Variants in KMT5C observed in about 807,000 individuals in gnomAD.
KMT5C encodes the protein histone-lysine N-methyltransferase KMT5C.
KMT5C carries 16 observed loss-of-function variants against 38.2 expected under a neutral mutation model. The ratio of observed to expected loss-of-function variants is 0.42; its 90% CI spans 0.28 to 0.64. KMT5C has a LOEUF of 0.64. KMT5C is among the 30% of genes least tolerant of loss of function. The pLI, the probability that KMT5C is intolerant of heterozygous loss-of-function variation, is 0.23. For missense variants in KMT5C, 598 were observed against 665.1 expected, an observed-to-expected ratio of 0.90 and a Z score of 1.11; for synonymous variants, 291 against 279.0, an observed-to-expected ratio of 1.04 and a Z score of -0.43.
At position 55,342,800 on chromosome 19, in the gene KMT5C, C is replaced by T. The variant is rs754320228; in HGVS notation, c.335C>T (p.Thr112Met). The T allele has an allele frequency of 2.2e-5, 36 of 1,613,400 alleles. No homozygotes were observed. The highest frequency in any genetic ancestry group is 1.6e-4 in the Middle Eastern group (1 of 6,082). The change falls in exon 4 of 9, where the codon ACG (threonine) becomes ATG (methionine). Residue 112 changes from threonine (T) to methionine (M), a missense_variant. Coordinates refer to ENST00000255613, the MANE Select transcript of KMT5C (RefSeq NM_032701.4). Reference protein sequence around the residue: ...PESGFTILPCTRYSMETNGAK... With the variant: ...PESGFTILPCMRYSMETNGAK... ...AGTGGCTTTACCATCCTGCCCTGCA[C>T]GCGCTACTCCATGGAGACCAACGGG...
In KMT5C at chr19:55,346,409, G is replaced by A. The variant is rs45480394; in HGVS notation, c.707+60G>A. The A allele has an allele frequency of 4.1e-5, 66 of 1,609,330 alleles. 2 individuals carry two copies. The Middle Eastern group carries it at 1.0e-3, about 24-fold the overall frequency. ...GTCTGGGCTTCTTGAGCCCAGAAAC[G>A]CACCCTCGGGACCCATCCCTGAGTG... On this transcript the variant is annotated intron_variant, in intron 7 of 8. Transcript: ENST00000255613.
rs1026388492 is a variant in KMT5C at position 55,343,570 on chromosome 19, G to A, written c.387-110G>A. Reference sequence around the variant, plus strand: ...TGGATCGCCAATAGCCAGCACCAGCGCCCAGGAGTCCCTCCTTCCTGGGTG... The same window carrying A: ...TGGATCGCCAATAGCCAGCACCAGCACCCAGGAGTCCCTCCTTCCTGGGTG... On this transcript the variant is annotated intron_variant, in intron 4 of 8. Coordinates refer to ENST00000255613, the MANE Select transcript of KMT5C (RefSeq NM_032701.4). This position sits in a 1 kb window ranked among gnomAD's most constrained non-coding sequence, Gnocchi z 5.5. 42 of 1,043,254 alleles carry A rather than the reference G, an allele frequency of 4.0e-5. No homozygotes were observed. The African/African-American group carries it at 5.4e-4, about 13-fold the overall frequency. 64.6% of individuals were successfully genotyped at this position (1,043,254 alleles called of 1,614,324 possible).
Position 55,347,062 on chromosome 19 carries a change from G to T in KMT5C, c.1002G>T (p.Lys334Asn). Residue 334 changes from lysine to asparagine, a missense_variant, in exon 9 of 9, where the codon AAG becomes AAT. By Grantham distance (94) the Lys-to-Asn change is moderately conservative. Around this residue, in one of 3 missense-constraint regions of KMT5C, gnomAD observed 326 missense variants for 298.1 expected, o/e 1.09. Coordinates refer to ENST00000255613, the MANE Select transcript of KMT5C (RefSeq NM_032701.4). This position sits in a 1 kb window ranked among gnomAD's most constrained non-coding sequence, Gnocchi z 4.6. ...PQPQPRVRPRKRRRPRPRRAP... is the reference protein window; with the variant it reads ...PQPQPRVRPRNRRRPRPRRAP... ...CCCAGCCCCGAGTGCGGCCCCGGAA[G>T]CGCCGACGCCCCCGGCCCCGGAGGG... 6.3e-7 allele frequency: 1 copy of T among 1,579,728 alleles called. No individual in the cohort carries two copies. Among genetic ancestry groups the T allele is most frequent in the Non-Finnish European group, 8.6e-7 (1 of 1,167,876 alleles).
Position 55,342,951 on chromosome 19 carries a change from C to G in KMT5C, c.386+100C>G, listed in dbSNP as rs181907749. The G allele has an allele frequency of 5.2e-6, 4 of 766,430 alleles. No homozygotes were observed. In the Admixed American group the frequency reaches 8.0e-5, roughly 15 times the overall value. The allele number at this position is 766,430 out of a possible 1,614,324, so 47.5% of individuals were successfully genotyped here. A position where few individuals can be genotyped will look rare whatever the true frequency, so the allele number is the denominator to read the frequency against. On this transcript the variant is annotated intron_variant, in intron 4 of 8. Coordinates refer to ENST00000255613, the MANE Select transcript of KMT5C (RefSeq NM_032701.4). Reference sequence around the variant, plus strand: ...CATGGACTGGCCAACCGGGGAAAAGCGAGGGGCCTGGTCCTCCGGGCATCC... The same window carrying G: ...CATGGACTGGCCAACCGGGGAAAAGGGAGGGGCCTGGTCCTCCGGGCATCC...
At chr19:55,342,593 A>G in intron 3 of KMT5C, 149 bp from the exon 4 acceptor site, 1 of 643,746 alleles carries the variant, frequency 1.6e-6, no homozygotes, top group Non-Finnish European at 2.8e-6. Flanking sequence ...TCTTCATTTG[A>G]CGGATGAGGA....
At chr19:55,340,108 C>T (rs1225848807) in intron 1 of KMT5C, among the ~76,000 whole-genome samples, 151 bp downstream of exon 1, 1 of 151,648 alleles carries the variant, frequency 6.6e-6, no homozygotes, top group Non-Finnish European at 1.5e-5. Flanking sequence ...GGCCCCTCGC[C>T]GGGCCTCGGG....
rs781110739 is a variant in KMT5C, at chr19:55,346,326, C to T, written c.684C>T (p.His228=). 4 of 1,613,966 alleles carry T rather than the reference C, an allele frequency of 2.5e-6. No homozygotes were observed. Among genetic ancestry groups the T allele is most frequent in the African/African-American group, 1.3e-5 (1 of 74,918 alleles). The part of the protein sequence containing the change: ...GEGFFGEKNE[H]CECHTCERKG... Reference sequence around the variant, plus strand: ...GCTTCTTCGGCGAGAAGAATGAGCACTGTGAATGCCACACCTGTGAGAGGT... The same window carrying T: ...GCTTCTTCGGCGAGAAGAATGAGCATTGTGAATGCCACACCTGTGAGAGGT... Residue 228 remains histidine, a synonymous_variant, in exon 7 of 9, where the codon CAC becomes CAT. Coordinates refer to ENST00000255613, the MANE Select transcript of KMT5C (RefSeq NM_032701.4).
Position 55,346,056 on chromosome 19 carries a change from G to A in KMT5C, c.571-157G>A, listed in dbSNP as rs1048654158. 71 of 808,378 alleles carry A rather than the reference G, an allele frequency of 8.8e-5. No individual in the cohort carries two copies. The East Asian group carries it at 1.4e-3, about 16-fold the overall frequency. 50.1% of individuals were successfully genotyped at this position (808,378 alleles called of 1,614,324 possible). ...GGCTACAGGCAAAGGACAGGCCCTC[G>A]GCAAGGCAGCCGCCTCGGAATGCCA... On this transcript the variant is annotated intron_variant, in intron 6 of 8. Transcript: ENST00000255613.
Position 55,347,438 on chromosome 19 carries a change from G to A in KMT5C, c.1378G>A (p.Glu460Lys). The change falls in exon 9 of 9, where the codon GAA becomes AAA. Residue 460 changes from glutamate to lysine, a missense_variant. Physicochemically the swap from Glu to Lys is moderately conservative, Grantham distance 56 (BLOSUM62 1). Transcript: ENST00000255613. This position sits in a 1 kb window ranked among gnomAD's most constrained non-coding sequence, Gnocchi z 4.6. ...CTCCATCGACCTGGATGTCGGCGGT[G>A]AAGAGCTGTGACAGGCCGGACGGGG... The part of the protein sequence containing the change: ...HGSIDLDVGG[E>K]EL 1.3e-6 allele frequency: 2 copies of A among 1,541,408 alleles called. No homozygotes were observed.
intron 6 of KMT5C, chr19:55,344,762 G>A (rs564897035): frequency 4.9e-5 from 26 of 528,090 alleles, no homozygotes; most frequent in East Asian, 3.9e-4. Context: ...CCTGTAGCCC[G>A]GAAGCAGAAG....
rs1268807552 is a variant in KMT5C at position 55,342,392 on chromosome 19, C to T, written c.276+12C>T. On this transcript the variant is annotated intron_variant, in intron 3 of 8. Coordinates refer to ENST00000255613, the MANE Select transcript of KMT5C (RefSeq NM_032701.4). ...CCCTCAAGACCCACGTGAGGGCGCCCTCCCCTCCCCCGCCCTCACCGCGTG... is the reference window on the plus strand; with the variant it reads ...CCCTCAAGACCCACGTGAGGGCGCCTTCCCCTCCCCCGCCCTCACCGCGTG... The T allele has an allele frequency of 2.0e-6, 3 of 1,479,972 alleles. No homozygotes were observed. Among genetic ancestry groups the T allele is most frequent in the East Asian group, 2.5e-5 (1 of 40,428 alleles). The allele number at this position is 1,479,972 out of a possible 1,614,324, so 91.7% of individuals were successfully genotyped here. A position where few individuals can be genotyped will look rare whatever the true frequency, so the allele number is the denominator to read the frequency against.
rs1027221997 is a variant in KMT5C at position 55,347,039 on chromosome 19, C to G, written c.979C>G (p.Gln327Glu). ...CTGGCTCCAGTGGCTGCCTCAGCCC[C>G]AGCCCCGAGTGCGGCCCCGGAAGCG... ...PLWLQWLPQP[Q>E]PRVRPRKRRR... Residue 327 changes from glutamine (Q) to glutamate (E), a missense_variant, in exon 9 of 9, where the codon CAG becomes GAG. This residue lies in a region of KMT5C where 326 missense variants were observed against 298.1 expected (regional missense o/e 1.09). Transcript: ENST00000255613. This position sits in a 1 kb window ranked among gnomAD's most constrained non-coding sequence, Gnocchi z 4.6. 6.5e-7 allele frequency: 1 copy of G among 1,538,606 alleles called. No individual in the cohort carries two copies. The highest frequency in any genetic ancestry group is 8.9e-7 in the Non-Finnish European group (1 of 1,127,994).
At position 55,343,227 on chromosome 19, in the gene KMT5C, G is replaced by T; in HGVS notation, c.386+376G>T. Reference sequence around the variant, plus strand: ...CAGTCTGGTGAGGAGGTGGGGGGCAGACAAGTCAACATGCAGTCACTGGTC... The same window carrying T: ...CAGTCTGGTGAGGAGGTGGGGGGCATACAAGTCAACATGCAGTCACTGGTC... On this transcript the variant is annotated intron_variant, in intron 4 of 8. Coordinates refer to ENST00000255613, the MANE Select transcript of KMT5C (RefSeq NM_032701.4). The surrounding 1 kb of genome is among the most constrained non-coding windows in gnomAD (Gnocchi z 5.5). 3.2e-6 allele frequency: 1 copy of T among 315,474 alleles called. No homozygotes were observed. The highest frequency in any genetic ancestry group is 3.8e-5 in the South Asian group (1 of 26,626). 19.5% of individuals were successfully genotyped at this position (315,474 alleles called of 1,614,324 possible).
chr19:55,343,658 C>T lies in KMT5C; in HGVS notation c.387-22C>T. 6.4e-7 allele frequency: 1 copy of T among 1,550,458 alleles called. No homozygotes were observed. The highest frequency in any genetic ancestry group is 8.7e-7 in the Non-Finnish European group (1 of 1,146,940). On this transcript the variant is annotated intron_variant, in intron 4 of 8. Coordinates refer to ENST00000255613, the MANE Select transcript of KMT5C (RefSeq NM_032701.4). This position sits in a 1 kb window ranked among gnomAD's most constrained non-coding sequence, Gnocchi z 5.5. The stretch of plus-strand genomic sequence containing the variant: ...AGGAGGCCAGGCATCGCCCACAGCC[C>T]TGCCCCCTGGCCTCTTGGCAGGAAA...
At chr19:55,344,667 G>T in intron 6 of KMT5C, 1 of 516,744 alleles carries the variant, frequency 1.9e-6, no homozygotes, top group Non-Finnish European at 4.0e-6. Context: ...GGCAGCTGTG[G>T]TGGCAGGAGC....
Position 55,343,149 on chromosome 19 carries a change from T to C in KMT5C, c.386+298T>C. Reference sequence around the variant, plus strand: ...TGTGACCTGAGCCCCCACCACATGTTAAACACCCCTGAGTGCAATGAGGAG... The same window carrying C: ...TGTGACCTGAGCCCCCACCACATGTCAAACACCCCTGAGTGCAATGAGGAG... On this transcript the variant is annotated intron_variant, in intron 4 of 8. Transcript: ENST00000255613. The surrounding 1 kb of genome is among the most constrained non-coding windows in gnomAD (Gnocchi z 5.5). The C allele has an allele frequency of 3.0e-6, 1 of 335,784 alleles. No individual in the cohort carries two copies. Among genetic ancestry groups the C allele is most frequent in the Non-Finnish European group, 5.6e-6 (1 of 177,602 alleles). 20.8% of individuals were successfully genotyped at this position (335,784 alleles called of 1,614,324 possible).
intron 1 of KMT5C, among the ~76,000 whole-genome samples, chr19:55,340,480 C>A (rs1401122847): frequency 6.6e-6 from 1 of 151,944 alleles, no homozygotes; most frequent in African/African-American, 2.4e-5. Context: ...TCCTGGCACT[C>A]CCTGGACCCT....
intron 6 of KMT5C, chr19:55,344,340 C>T (rs1264429643): frequency 1.4e-5 from 4 of 279,920 alleles, no homozygotes; most frequent in Non-Finnish European, 2.1e-5. Context: ...CCAGCCTGGG[C>T]CACAGAGCGA....
intron 1 of KMT5C, among the ~76,000 whole-genome samples, chr19:55,340,320 TC>T (rs1210403132): frequency 6.9e-6 from 1 of 144,112 alleles, no homozygotes; most frequent in African/African-American, 2.7e-5. Context: ...CCCTGCACCC[TC>T]AGGGCCTCTC....
Sources: gnomAD v4.1 joint callset for allele counts (sites outside exome capture counted in the v4.1 genomes callset) on GRCh38, gnomAD v4.1.1 for gene constraint, gnomAD v4.1.1 regional missense constraint, Gnocchi (gnomAD v3.1) non-coding constraint, MANE v1.5 for transcripts, NCBI Gene and HGNC (gene_info 2026-07-23, HGNC 2026-07-21) for gene names.